NCKIPSD: variants seen among roughly 807,000 people sequenced by gnomAD.
NCKIPSD encodes the protein NCK-interacting protein with SH3 domain.
In NCKIPSD, 48 loss-of-function variants were observed where a neutral mutation model predicts 73.4. The ratio of observed to expected loss-of-function variants is 0.65; its 90% confidence interval spans 0.52 to 0.83. The LOEUF is 0.83. NCKIPSD is among the 40% of genes least tolerant of loss of function. The pLI, the probability that NCKIPSD is intolerant of heterozygous loss-of-function variation, is 0.00. For missense variants in NCKIPSD, 884 were observed against 970.2 expected (o/e 0.91, Z 1.18); for synonymous variants, 422 against 403.6 (o/e 1.05, Z -0.54).
At chr3:48,683,133 C>T (rs1457731498) in intron 1 of NCKIPSD, 121 bp from the exon 2 acceptor site, 5 of 1,504,924 alleles carry the variant, frequency 3.3e-6, no homozygotes, top group Admixed American at 2.0e-5. Context: ...GAATGCTAGA[C>T]ATAGCACAAA....
In NCKIPSD at chr3:48,681,907, C is replaced by G. The variant is rs536267800; in HGVS notation, c.599-127G>C. 2.7e-6 allele frequency: 4 copies of G among 1,467,236 alleles called. No homozygotes were observed. In the Admixed American group the frequency reaches 8.8e-5, roughly 32 times the overall value. The allele number at this position is 1,467,236 out of a possible 1,614,324, so 90.9% of individuals were successfully genotyped here. ...GCTAGGCACTGCCTCCTCACAAAGCCCAGAGCCCCTAATTGCCCCAAAATG... is the reference window on the plus strand; with the variant it reads ...GCTAGGCACTGCCTCCTCACAAAGCGCAGAGCCCCTAATTGCCCCAAAATG... On this transcript the variant is annotated intron_variant, in intron 4 of 12. Coordinates refer to ENST00000294129, the MANE Select transcript of NCKIPSD (RefSeq NM_016453.4).
chr3:48,674,052 T>C lies in NCKIPSD; in HGVS notation c.*492A>G. 1 of 1,072,428 alleles carries C rather than the reference T, an allele frequency of 9.3e-7. No homozygotes were observed. The highest frequency in any genetic ancestry group is 4.9e-5 in the East Asian group (1 of 20,460). The allele number at this position is 1,072,428 out of a possible 1,614,324, so 66.4% of individuals were successfully genotyped here. The stretch of plus-strand genomic sequence containing the variant: ...GCAGCTTGGCCAAGGCCTCTGGGGG[T>C]AGGAGTGAAGGGCAGCGACCCCCAT... On this transcript the variant is annotated 3_prime_UTR_variant, in exon 13 of 13. Coordinates refer to ENST00000294129, the MANE Select transcript of NCKIPSD (RefSeq NM_016453.4).
chr3:48,685,788 G>A lies in NCKIPSD; in HGVS notation c.20C>T (p.Ala7Val). Residue 7 changes from alanine (A) to valine (V), a missense_variant, in exon 1 of 13, where the codon GCG becomes GTG. Transcript: ENST00000294129. The stretch of plus-strand genomic sequence containing the variant: ...CGCGTTGGGCTCCGCCGAGCGGAAC[G>A]CGTACAGCGCGCGGTACATGAGGCC... MYRALYAFRSAEPNALA... is the reference protein window; with the variant it reads MYRALYVFRSAEPNALA... 1 of 1,520,104 alleles carries A rather than the reference G, an allele frequency of 6.6e-7. No individual in the cohort carries two copies. The highest frequency in any genetic ancestry group is 2.1e-5 in the Admixed American group (1 of 48,712). 94.2% of individuals were successfully genotyped at this position (1,520,104 alleles called of 1,614,324 possible).
rs1293734448 is a variant in NCKIPSD at position 48,678,914 on chromosome 3, G to A, written c.1755C>T (p.Ile585=). The A allele has an allele frequency of 6.2e-7, 1 of 1,614,064 alleles. No individual in the cohort carries two copies. The highest frequency in any genetic ancestry group is 2.2e-5 in the East Asian group (1 of 44,882). ...GGAGCAACAACAGCTTCTCGGAGAA[G>A]ATCTTGACATTGGCGTGTTTGCTCA... is the stretch of plus-strand genomic sequence containing the variant. ...AALSKHANVK[I]FSEKLLLLLN... Residue 585 remains isoleucine, a synonymous_variant, in exon 11 of 13, where the codon ATC becomes ATT. Coordinates refer to ENST00000294129, the MANE Select transcript of NCKIPSD (RefSeq NM_016453.4).
Position 48,678,875 on chromosome 3 carries a change from AC to A in NCKIPSD, c.1792+1del. 1.2e-6 allele frequency: 2 copies of A among 1,613,430 alleles called. No individual in the cohort carries two copies. The highest frequency in any genetic ancestry group is 1.7e-6 in the Non-Finnish European group (2 of 1,179,912). On this transcript the variant is annotated splice_donor_variant, in intron 11 of 12. Coordinates refer to ENST00000294129, the MANE Select transcript of NCKIPSD (RefSeq NM_016453.4). LOFTEE classifies it high-confidence loss of function. ...TACCCGCGCAGATTCCCGGGCCCTC[AC>A]CCCCTCTGTTCAGGAGCAACAACAG...
rs529051801 is a variant in NCKIPSD, at chr3:48,685,109, G to A, written c.171+528C>T. ...GGGTTGAGGACCTGGAGAATGGCTAGGGAAACAGGTGGTGTCCAAGGTGGT... is the reference window on the plus strand; with the variant it reads ...GGGTTGAGGACCTGGAGAATGGCTAAGGAAACAGGTGGTGTCCAAGGTGGT... On this transcript the variant is annotated intron_variant, in intron 1 of 12. Coordinates refer to ENST00000294129, the MANE Select transcript of NCKIPSD (RefSeq NM_016453.4). 3.0e-4 allele frequency among the ~76,000 whole-genome samples: 45 copies of A among 149,854 alleles called. No individual in the cohort carries two copies. In the East Asian group the frequency reaches 4.0e-3, roughly 13 times the overall value.
Position 48,682,056 on chromosome 3 carries a change from G to T in NCKIPSD, c.587C>A (p.Ala196Asp). The change falls in exon 4 of 13, where the codon GCC becomes GAC. Residue 196 changes from alanine to aspartate, a missense_variant. Ala to Asp is a moderately radical substitution (Grantham distance 126, BLOSUM62 -2). Transcript: ENST00000294129. ...VKRRDREALMASGSGGHNTMP... is the reference protein window; with the variant it reads ...VKRRDREALMDSGSGGHNTMP... The stretch of plus-strand genomic sequence containing the variant: ...CCCTGCCTTCTTACCACTCCCAGAG[G>T]CCATCAGGGCCTCGCGGTCTCGGCG... The T allele has an allele frequency of 1.2e-6, 2 of 1,601,152 alleles. No homozygotes were observed. Among genetic ancestry groups the T allele is most frequent in the Non-Finnish European group, 1.7e-6 (2 of 1,179,854 alleles).
Position 48,681,408 on chromosome 3 carries a change from G to A in NCKIPSD, c.971C>T (p.Thr324Ile). The A allele has an allele frequency of 1.2e-6, 2 of 1,613,606 alleles. No individual in the cohort carries two copies. The highest frequency in any genetic ancestry group is 3.3e-5 in the Admixed American group (2 of 60,010). Residue 324 changes from threonine (T) to isoleucine (I), a missense_variant, in exon 5 of 13, where the codon ACT (threonine) becomes ATT (isoleucine). By Grantham distance (89) the Thr-to-Ile change is moderately conservative. Transcript: ENST00000294129. ...CCGGCATAATTCGTGGCTCAGGCCA[G>A]TGTTTCTCCGCACCAGCTCCATCAG... is the stretch of plus-strand genomic sequence containing the variant. ...AELMELVRRNTGLSHELCRVA... is the reference protein window; with the variant it reads ...AELMELVRRNIGLSHELCRVA...
At chr3:48,681,811 G>T (rs2077357966) in intron 4 of NCKIPSD, 31 bp from the exon 5 acceptor site, 1 of 1,466,008 alleles carries the variant, frequency 6.8e-7, no homozygotes. Flanking sequence ...CTGGGCCAGG[G>T]CAGCCCCCTG....
At chr3:48,685,105 G>T (rs2077414138) in intron 1 of NCKIPSD, among the ~76,000 whole-genome samples, 1 of 149,964 alleles carries the variant, frequency 6.7e-6, no homozygotes, top group Admixed American at 6.6e-5. Flanking sequence ...CTGGAGAATG[G>T]CTAGGGAAAC....
chr3:48,679,537 A>C, intron 8 of NCKIPSD, 38 bp downstream of exon 8: 1 of 1,610,186 alleles, frequency 6.2e-7, no homozygotes, highest in Non-Finnish European at 8.5e-7. Context: ...CCCTCCAGAT[A>C]GCAGGAAGTT....
intron 1 of NCKIPSD, among the ~76,000 whole-genome samples, chr3:48,684,782 G>A (rs1371177276): frequency 1.3e-5 from 2 of 152,186 alleles, no homozygotes; most frequent in African/African-American, 2.4e-5. Context: ...ATGGGGCCAC[G>A]ATCAGACCAG....
At chr3:48,678,498 T>C (rs1004307834) in intron 12 of NCKIPSD, 66 bp downstream of exon 12, 4 of 1,513,474 alleles carry the variant, frequency 2.6e-6, no homozygotes, top group East Asian at 2.4e-5. Context: ...CTCAATGTCA[T>C]GCCCCCCACC....
rs575793966 is a variant in NCKIPSD, at chr3:48,679,164, G to A, written c.1590C>T (p.Phe530=). 39 of 1,614,090 alleles carry A rather than the reference G, an allele frequency of 2.4e-5. No homozygotes were observed. The highest frequency in any genetic ancestry group is 1.7e-4 in the Middle Eastern group (1 of 6,058). ...YAHYEHLGTP[F]AQFLLNIVED... ...CGACGATGTTCAGTAGGAACTGGGC[G>A]AAAGGCGTGCCCAGGTGCTCTGGGA... Residue 530 remains phenylalanine, a synonymous_variant, in exon 10 of 13, where the codon TTC becomes TTT. Coordinates refer to ENST00000294129, the MANE Select transcript of NCKIPSD (RefSeq NM_016453.4).
rs376825176 is a variant in NCKIPSD, at chr3:48,682,945, C to T, written c.239G>A (p.Arg80Gln). Residue 80 changes from arginine (R) to glutamine (Q), a missense_variant, in exon 2 of 13, where the codon CGG becomes CAG. Transcript: ENST00000294129. ...AIEAVHNTAM[R>Q]DGGKYSLEQR... ...TTCCAGGCTGTACTTGCCACCATCC[C>T]GCATGGCTGTGTTGTGTACAGCCTC... 1.0e-5 allele frequency: 16 copies of T among 1,553,262 alleles called. No individual in the cohort carries two copies. The highest frequency in any genetic ancestry group is 1.9e-5 in the Admixed American group (1 of 51,376).
At chr3:48,685,309 G>T (rs2077420179) in intron 1 of NCKIPSD, among the ~76,000 whole-genome samples, 1 of 151,992 alleles carries the variant, frequency 6.6e-6, no homozygotes, top group Non-Finnish European at 1.5e-5. Context: ...AATTGGCCAG[G>T]ATTCGGTGGG....
intron 12 of NCKIPSD, 123 bp downstream of exon 12, chr3:48,678,441 T>C (rs2077288590): frequency 7.8e-6 from 10 of 1,282,668 alleles, no homozygotes; most frequent in Non-Finnish European, 1.1e-5. Context: ...TATCATGGCC[T>C]CCTACACTTA....
chr3:48,681,430 T>C lies in NCKIPSD; in HGVS notation c.949A>G (p.Met317Val), dbSNP rs763198103. 1.9e-6 allele frequency: 3 copies of C among 1,613,876 alleles called. No individual in the cohort carries two copies. Among genetic ancestry groups the C allele is most frequent in the East Asian group, 2.2e-5 (1 of 44,896 alleles). The change falls in exon 5 of 13, where the codon ATG becomes GTG. Residue 317 changes from methionine (M) to valine (V), a missense_variant. Met to Val is a conservative substitution (Grantham distance 21). Transcript: ENST00000294129. Reference sequence around the variant, plus strand: ...CCAGTGTTTCTCCGCACCAGCTCCATCAGCTCGGCCCCAATGGTCCTGGGC... The same window carrying C: ...CCAGTGTTTCTCCGCACCAGCTCCACCAGCTCGGCCCCAATGGTCCTGGGC... The part of the protein sequence containing the change: ...AVPRTIGAEL[M>V]ELVRRNTGLS...
rs569429519 is a variant in NCKIPSD, at chr3:48,685,799, G to A, written c.9C>T (p.Arg3=). 2.0e-6 allele frequency: 3 copies of A among 1,512,110 alleles called. No homozygotes were observed. In the African/African-American group the frequency reaches 4.3e-5, roughly 22 times the overall value. The allele number at this position is 1,512,110 out of a possible 1,614,324, so 93.7% of individuals were successfully genotyped here. ...CCGCCGAGCGGAACGCGTACAGCGCGCGGTACATGAGGCCGGGCAGGGCAG... is the reference window on the plus strand; with the variant it reads ...CCGCCGAGCGGAACGCGTACAGCGCACGGTACATGAGGCCGGGCAGGGCAG... MY[R]ALYAFRSAEP... The change falls in exon 1 of 13, where the codon CGC becomes CGT. Residue 3 remains arginine (R), a synonymous_variant. Transcript: ENST00000294129.
Sources: gnomAD v4.1 joint callset for allele counts (sites outside exome capture counted in the v4.1 genomes callset) on GRCh38, gnomAD v4.1.1 for gene constraint, MANE v1.5 for transcripts, NCBI Gene and HGNC (gene_info 2026-07-23, HGNC 2026-07-21) for gene names.